The following TENM3 variants were observed in gnomAD, a reference collection of about 807,000 sequenced individuals.
TENM3 encodes teneurin transmembrane protein 3, also known as teneurin-3.
Under a neutral mutation model 255.1 loss-of-function variants are expected in TENM3, and 63 were observed. The ratio of observed to expected loss-of-function variants is 0.25; its 90% CI spans 0.20 to 0.30. TENM3 has a LOEUF of 0.30. TENM3 is among the 10% of genes least tolerant of loss of function. TENM3 has a pLI of 1.00. For synonymous variants in TENM3, 1,306 were observed against 1,322.3 expected (o/e 0.99, Z 0.27); for missense variants, 2,929 against 3,461.1 (o/e 0.85, Z 3.86).
intron 6 of TENM3, among the ~76,000 whole-genome samples, chr4:182,656,045 G>T (rs143329496): frequency 5.3e-5 from 8 of 152,272 alleles, no homozygotes; most frequent in East Asian, 3.9e-4. Flanking sequence ...CTCTAAGGGG[G>T]ACTGAAGTTC....
chr4:182,231,697 C>T (rs975689238), intron 1 of TENM3, among the ~76,000 whole-genome samples: 1 of 152,184 alleles, frequency 6.6e-6, no homozygotes, highest in African/African-American at 2.4e-5. Flanking sequence ...TAACATGCAG[C>T]TGATGACTGC....
chr4:181,682,216 C>T, the TENM3 span, among the ~76,000 whole-genome samples: 2 of 152,250 alleles, frequency 1.3e-5, no homozygotes, highest in East Asian at 3.9e-4. Flanking sequence ...ATCCTGCCAC[C>T]GCCAAGGAGG....
the TENM3 span, among the ~76,000 whole-genome samples, chr4:181,995,189 C>T: frequency 6.6e-6 from 1 of 151,914 alleles, no homozygotes; most frequent in African/African-American, 2.4e-5. Context: ...ACTTGGGAGG[C>T]TGAGGCAGGA....
chr4:182,630,078 G>C (rs948773604), intron 5 of TENM3, among the ~76,000 whole-genome samples: 24 of 152,094 alleles, frequency 1.6e-4, no homozygotes, highest in African/African-American at 5.8e-4. Context: ...TCATCAGAGT[G>C]CTTCATACAG....
At chr4:182,106,643 A>G in the TENM3 span, among the ~76,000 whole-genome samples, 1,596 of 152,314 alleles carry the variant, frequency 0.01, 29 homozygotes, top group African/African-American at 0.037. Context: ...CCATGAGTGA[A>G]GGCCTAAAGT....
intron 1 of TENM3, among the ~76,000 whole-genome samples, chr4:182,278,308 G>A (rs534628232): frequency 6.1e-4 from 93 of 151,980 alleles, no homozygotes; most frequent in Non-Finnish European, 1.1e-3. Flanking sequence ...TGGAGGTTGC[G>A]GTGAGCCGAG....
At chr4:182,685,815 A>G (rs565119777) in intron 11 of TENM3, among the ~76,000 whole-genome samples, 15 of 152,176 alleles carry the variant, frequency 9.9e-5, no homozygotes, top group African/African-American at 3.6e-4. Flanking sequence ...TTTTTCATAT[A>G]AAGTTATTAT....
At chr4:182,425,028 C>T (rs147192144) in intron 3 of TENM3, among the ~76,000 whole-genome samples, 42 of 152,234 alleles carry the variant, frequency 2.8e-4, no homozygotes, top group African/African-American at 3.1e-4. Flanking sequence ...AATACTTGCA[C>T]ATCGATCCTT....
intron 1 of TENM3, among the ~76,000 whole-genome samples, chr4:182,252,410 T>A (rs1043901117): frequency 3.3e-5 from 5 of 152,104 alleles, no homozygotes; most frequent in Admixed American, 6.5e-5. Flanking sequence ...GGGAAAAAAA[T>A]TTAAATAACG....
Position 182,210,618 on chromosome 4 carries a change from G to GTT in TENM3, c.-76+65880_-76+65881dup, listed in dbSNP as rs58035061. 8.3e-5 allele frequency among the ~76,000 whole-genome samples: 11 copies of GTT among 132,266 alleles called. No homozygotes were observed. In the South Asian group the frequency reaches 9.7e-4, roughly 12 times the overall value. 86.8% of individuals were successfully genotyped at this position (132,266 alleles called of 152,430 possible). On this transcript the variant is annotated intron_variant, in intron 1 of 2. Coordinates refer to the TENM3 transcript ENST00000512480. The stretch of plus-strand genomic sequence containing the variant: ...GCTGCCTCCATTTTCCCCCTCTCTA[G>GTT]TTTTTTTTTTTTTTTTTGTATCATT...
chr4:182,708,847 A>G lies in TENM3; in HGVS notation c.2222-5240A>G, dbSNP rs886901873. Among the ~76,000 whole-genome samples, 18 of 151,776 alleles carry G rather than the reference A, an allele frequency of 1.2e-4. No individual in the cohort carries two copies. The East Asian group carries it at 1.9e-3, about 16-fold the overall frequency. On this transcript the variant is annotated intron_variant, in intron 12 of 27. Coordinates refer to ENST00000511685, the MANE Select transcript of TENM3 (RefSeq NM_001080477.4). Reference sequence around the variant, plus strand: ...GACCCAGAAAAGAGTAAGACTTGCCATCTCACAGGAAATATGGTCCTACTC... The same window carrying G: ...GACCCAGAAAAGAGTAAGACTTGCCGTCTCACAGGAAATATGGTCCTACTC...
intron 3 of TENM3, among the ~76,000 whole-genome samples, chr4:182,404,305 T>C (rs1390035563): frequency 1.3e-5 from 2 of 152,184 alleles, no homozygotes; most frequent in African/African-American, 4.8e-5. Context: ...AAGTATTCAA[T>C]CTAAATCCTC....
intron 3 of TENM3, among the ~76,000 whole-genome samples, chr4:182,455,514 A>G (rs994005453): frequency 6.9e-6 from 1 of 145,814 alleles, no homozygotes; most frequent in African/African-American, 2.6e-5. Context: ...CCTTCCTTGC[A>G]TCTCACAGAG....
At chr4:182,300,169 C>T (rs1373315356) in intron 1 of TENM3, among the ~76,000 whole-genome samples, 2 of 152,138 alleles carry the variant, frequency 1.3e-5, no homozygotes, top group African/African-American at 2.4e-5. Flanking sequence ...AGGCCTCTGC[C>T]TCCCAAAGTG....
chr4:181,789,756 C>T, the TENM3 span, among the ~76,000 whole-genome samples: 1 of 152,072 alleles, frequency 6.6e-6, no homozygotes, highest in Non-Finnish European at 1.5e-5. Flanking sequence ...AGGAGATGTG[C>T]TTTTCAGTTG....
the TENM3 span, among the ~76,000 whole-genome samples, chr4:182,122,487 G>A: frequency 7.2e-4 from 110 of 152,258 alleles, no homozygotes; most frequent in Admixed American, 1.3e-3. Context: ...GAATATCTGC[G>A]CATCTCCATC....
chr4:181,761,984 T>C, the TENM3 span, among the ~76,000 whole-genome samples: 7 of 152,234 alleles, frequency 4.6e-5, no homozygotes, highest in African/African-American at 1.7e-4. Flanking sequence ...CAAATTGTAG[T>C]GGCCACTTTG....
chr4:181,752,342 G>A, the TENM3 span, among the ~76,000 whole-genome samples: 2 of 152,130 alleles, frequency 1.3e-5, no homozygotes, highest in African/African-American at 4.8e-5. Context: ...CTCAGGTTAG[G>A]AGTTTGAGAC....
At chr4:181,636,772 G>A in the TENM3 span, among the ~76,000 whole-genome samples, 2 of 152,106 alleles carry the variant, frequency 1.3e-5, no homozygotes, top group South Asian at 2.1e-4. Flanking sequence ...TCAACGCAGC[G>A]ACCAAAGTAA....
Sources: gnomAD v4.1 joint callset for allele counts (sites outside exome capture counted in the v4.1 genomes callset) on GRCh38, gnomAD v4.1.1 for gene constraint, MANE v1.5 for transcripts, NCBI Gene and HGNC (gene_info 2026-07-23, HGNC 2026-07-21) for gene names.